The following MX2 variants were observed in gnomAD, a reference collection of about 807,000 sequenced individuals.
The protein encoded by MX2 is interferon-induced GTP-binding protein Mx2.
Under a neutral mutation model 74.0 loss-of-function variants are expected in MX2, and 51 were observed. The observed-to-expected ratio is 0.69, with a 90% CI of 0.55 to 0.87. The LOEUF (loss-of-function observed/expected upper bound fraction) is 0.87, where lower values mean the gene tolerates loss of function less well. Ranked by LOEUF, MX2 falls within the 40% of genes least tolerant of loss-of-function variation. The pLI is 0.00. For missense variants in MX2, 832 were observed against 908.7 expected (o/e 0.92, Z 1.09); for synonymous variants, 369 against 339.3 (o/e 1.09, Z -0.96).
chr21:41,389,863 GTGT>G (rs962551816), intron 5 of MX2: 4 of 152,164 alleles, frequency 2.6e-5, no homozygotes, highest in Non-Finnish European at 4.4e-5. Context: ...TTGTCTGTTT[GTGT>G]TGTTGTTGAG....
rs574263747 is a variant in MX2 at position 41,373,477 on chromosome 21, C to T, written c.-71-3359C>T. Among the ~76,000 whole-genome samples the T allele has an allele frequency of 5.3e-5, 8 of 152,200 alleles. No homozygotes were observed. The South Asian group carries it at 1.0e-3, about 20-fold the overall frequency. The stretch of plus-strand genomic sequence containing the variant: ...CCTGGAAGCCCACCCCTGCCAGGGC[C>T]CTCCAGGCTGCAGGCAGTCTCCAGC... On this transcript the variant is annotated intron_variant, in intron 1 of 13. Coordinates refer to ENST00000330714, the MANE Select transcript of MX2 (RefSeq NM_002463.2).
Position 41,402,294 on chromosome 21 carries a change from C to A in MX2, c.1573+166C>A. 1.3e-6 allele frequency: 1 copy of A among 792,566 alleles called. No individual in the cohort carries two copies. Among genetic ancestry groups the A allele is most frequent in the Non-Finnish European group, 1.9e-6 (1 of 529,034 alleles). 49.1% of individuals were successfully genotyped at this position (792,566 alleles called of 1,614,324 possible). A position where few individuals can be genotyped will look rare whatever the true frequency, so the allele number is the denominator to read the frequency against. ...GTGGTCTGTGAGCCAGCAGCACTGG[C>A]AAGGCCTGAGAGCTGGTCAGAGCTA... is the stretch of plus-strand genomic sequence containing the variant. On this transcript the variant is annotated intron_variant, in intron 11 of 13. Coordinates refer to ENST00000330714, the MANE Select transcript of MX2 (RefSeq NM_002463.2). This position sits in a 1 kb window ranked among gnomAD's most constrained non-coding sequence, Gnocchi z 4.5.
chr21:41,396,254 CT>C (rs2089733295), intron 7 of MX2, among the ~76,000 whole-genome samples: 1 of 152,174 alleles, frequency 6.6e-6, no homozygotes, highest in African/African-American at 2.4e-5. Flanking sequence ...TTTTTAGAGC[CT>C]CCAGTGCCCA....
intron 12 of MX2, among the ~76,000 whole-genome samples, chr21:41,406,303 T>C (rs1456286899): frequency 6.6e-6 from 1 of 152,210 alleles, no homozygotes; most frequent in African/African-American, 2.4e-5. Flanking sequence ...CTTTCTTCCT[T>C]GACTGCATGG....
intron 12 of MX2, chr21:41,403,863 A>G (rs981306290): frequency 1.6e-5 from 5 of 321,872 alleles, no homozygotes; most frequent in Non-Finnish European, 2.5e-5. Context: ...ATCTCATTCC[A>G]TAGTGCAGGC....
rs147857177 is a variant in MX2 at position 41,394,982 on chromosome 21, AGAAG to A, written c.872-585_872-582del. On this transcript the variant is annotated intron_variant, in intron 6 of 13. Coordinates refer to ENST00000330714, the MANE Select transcript of MX2 (RefSeq NM_002463.2). ...AGAAAGGAAGGAAGGAAGCAAGGAAAGAAGGAAGGAAGGAAGGAAGGAAAGAAGG... is the reference window on the plus strand; with the variant it reads ...AGAAAGGAAGGAAGGAAGCAAGGAAAGAAGGAAGGAAGGAAGGAAAGAAGG... Among the ~76,000 whole-genome samples, 1,503 of 151,158 alleles carry A rather than the reference AGAAG, an allele frequency of 9.9e-3. 10 individuals carry two copies. The highest frequency in any genetic ancestry group is 0.054 in the Middle Eastern group (16 of 294).
chr21:41,373,341 C>G (rs1196614037), intron 1 of MX2, among the ~76,000 whole-genome samples: 1 of 152,156 alleles, frequency 6.6e-6, no homozygotes, highest in African/African-American at 2.4e-5. Context: ...CCCAGGAGCC[C>G]CGGCTGTCAC....
At chr21:41,403,888 A>G (rs1601435157) in intron 12 of MX2, 1 of 224,256 alleles carries the variant, frequency 4.5e-6, no homozygotes, top group Non-Finnish European at 9.2e-6. Flanking sequence ...AAGAAGGACA[A>G]TTTTCGTCAT....
intron 1 of MX2, among the ~76,000 whole-genome samples, chr21:41,367,687 C>T (rs541305377): frequency 6.6e-6 from 1 of 152,258 alleles, no homozygotes; most frequent in Non-Finnish European, 1.5e-5. Context: ...GCCTGGTCAC[C>T]GCTTGAAAAT....
In MX2 at chr21:41,366,167, C is replaced by T. The variant is rs1471316035; in HGVS notation, c.-72+4112C>T. On this transcript the variant is annotated intron_variant, in intron 1 of 13. Coordinates refer to ENST00000330714, the MANE Select transcript of MX2 (RefSeq NM_002463.2). This position sits in a 1 kb window ranked among gnomAD's most constrained non-coding sequence, Gnocchi z 4.5. The stretch of plus-strand genomic sequence containing the variant: ...TAATAGTAGGCTGGGTGGTGTCCAA[C>T]AGCTGCCTTCGTGTATCACTGGGAA... 1 of 152,254 alleles carries T rather than the reference C, an allele frequency of 6.6e-6. No homozygotes were observed. Among genetic ancestry groups the T allele is most frequent in the Admixed American group, 6.5e-5 (1 of 15,282 alleles). 9.4% of individuals were successfully genotyped at this position (152,254 alleles called of 1,614,324 possible).
intron 5 of MX2, among the ~76,000 whole-genome samples, chr21:41,386,367 A>G (rs922220010): frequency 6.6e-6 from 1 of 151,968 alleles, no homozygotes; most frequent in African/African-American, 2.4e-5. Flanking sequence ...AAAAAAATTT[A>G]TGTTTTCTTA....
chr21:41,382,251 T>C (rs1293758082), intron 4 of MX2, among the ~76,000 whole-genome samples, 159 bp from the exon 5 acceptor site: 1 of 152,254 alleles, frequency 6.6e-6, no homozygotes, highest in East Asian at 1.9e-4. Context: ...TGGTGGCTTC[T>C]GAGATCCCTC....
intron 11 of MX2, 22 bp from the exon 12 acceptor site, chr21:41,403,242 TCTC>T (rs1426044095): frequency 2.0e-6 from 3 of 1,495,170 alleles, no homozygotes; most frequent in South Asian, 1.1e-5. Flanking sequence ...TTCTTCTTCT[TCTC>T]CTTTTTGCTT....
chr21:41,368,254 G>A lies in MX2; in HGVS notation c.-72+6199G>A, dbSNP rs771218250. ...ATGTGTCACCCGGCTCTTCCGTGTC[G>A]TCTCCGTGAGCCTGCAGGGGCACCC... is the stretch of plus-strand genomic sequence containing the variant. On this transcript the variant is annotated intron_variant, in intron 1 of 13. Transcript: ENST00000330714. The surrounding 1 kb of genome is among the most constrained non-coding windows in gnomAD (Gnocchi z 4.6). Among the ~76,000 whole-genome samples the A allele has an allele frequency of 4.6e-5, 7 of 152,020 alleles. No homozygotes were observed. Among genetic ancestry groups the A allele is most frequent in the East Asian group, 3.9e-4 (2 of 5,180 alleles).
At chr21:41,386,505 C>T (rs1048757346) in intron 5 of MX2, among the ~76,000 whole-genome samples, 16 of 152,138 alleles carry the variant, frequency 1.1e-4, no homozygotes, top group African/African-American at 1.2e-4. Context: ...AGGGAAAATT[C>T]GGATCAAGAC....
chr21:41,406,823 T>C lies in MX2; in HGVS notation c.1730T>C (p.Met577Thr), dbSNP rs372965531. 3.7e-5 allele frequency: 60 copies of C among 1,614,082 alleles called. No individual in the cohort carries two copies. Among genetic ancestry groups the C allele is most frequent in the Non-Finnish European group, 4.8e-5 (57 of 1,180,038 alleles). Residue 577 changes from methionine to threonine, a missense_variant, in exon 13 of 14, where the codon ATG becomes ACG. By Grantham distance (81) the Met-to-Thr change is moderately conservative. Transcript: ENST00000330714. ...MIQLQFRMEQMVFCQDQIYSV... is the reference protein window; with the variant it reads ...MIQLQFRMEQTVFCQDQIYSV... ...CAACTTCAGTTCAGAATGGAGCAGA[T>C]GGTTTTTTGTCAAGATCAGATTTAC... is the stretch of plus-strand genomic sequence containing the variant.
In MX2 at chr21:41,399,223, G is replaced by C. The variant is rs745448850; in HGVS notation, c.1300G>C (p.Glu434Gln). 3.7e-6 allele frequency: 6 copies of C among 1,613,760 alleles called. No homozygotes were observed. Among genetic ancestry groups the C allele is most frequent in the Non-Finnish European group, 5.1e-6 (6 of 1,179,852 alleles). ...AATCAAGATGTTTAATCAGGACATC[G>C]AAAAGTTAGTAGAAGGAGAAGAAGT... ...EKIKMFNQDIEKLVEGEEVVR... is the reference protein window; with the variant it reads ...EKIKMFNQDIQKLVEGEEVVR... Residue 434 changes from glutamate (E) to glutamine (Q), a missense_variant, in exon 10 of 14, where the codon GAA becomes CAA. Transcript: ENST00000330714.
intron 1 of MX2, among the ~76,000 whole-genome samples, chr21:41,369,416 A>T (rs963056435): frequency 1.3e-5 from 2 of 152,138 alleles, no homozygotes; most frequent in African/African-American, 4.8e-5. Flanking sequence ...CTCATTAGGA[A>T]ACGCTGAGAC....
intron 6 of MX2, among the ~76,000 whole-genome samples, chr21:41,393,974 G>A (rs1161949424): frequency 6.6e-6 from 1 of 152,036 alleles, no homozygotes; most frequent in African/African-American, 2.4e-5. Context: ...CTGAAGTCCT[G>A]GTGACTCTGC....
Sources: gnomAD v4.1 joint callset for allele counts (sites outside exome capture counted in the v4.1 genomes callset) on GRCh38, gnomAD v4.1.1 for gene constraint, Gnocchi (gnomAD v3.1) non-coding constraint, MANE v1.5 for transcripts, NCBI Gene and HGNC (gene_info 2026-07-23, HGNC 2026-07-21) for gene names.